MPC1: variants seen among roughly 807,000 people sequenced by gnomAD.
MPC1 encodes the protein HSPC040 protein.
A neutral mutation model predicts 13.9 loss-of-function variants in MPC1; 6 were observed. The ratio of observed to expected loss-of-function variants is 0.43; its 90% confidence interval spans 0.24 to 0.85. MPC1 has a LOEUF of 0.85. Ranked by LOEUF, MPC1 falls within the 40% of genes least tolerant of loss-of-function variation. The probability of loss-of-function intolerance (pLI) is 0.24; values close to 1 mark genes in which losing one functional copy is unlikely to be tolerated. For missense variants in MPC1, 115 were observed against 143.3 expected, an observed-to-expected ratio of 0.80 and a Z score of 1.01; for synonymous variants, 47 against 50.5, an observed-to-expected ratio of 0.93 and a Z score of 0.29.
intron 1 of MPC1, among the ~76,000 whole-genome samples, chr6:166,381,258 T>TTAA (rs1412086878): frequency 6.6e-6 from 1 of 152,260 alleles, no homozygotes; most frequent in Non-Finnish European, 1.5e-5. Context: ...AGTAGTTCTA[T>TTAA]TTAAGCATAG....
intron 1 of MPC1, among the ~76,000 whole-genome samples, chr6:166,379,991 T>A (rs569800974): frequency 1.3e-5 from 2 of 152,196 alleles, no homozygotes; most frequent in Admixed American, 1.3e-4. Context: ...TGGCCCTCAA[T>A]CACTGTTTGG....
At chr6:166,368,917 A>G in intron 2 of MPC1, 1 of 985,284 alleles carries the variant, frequency 1.0e-6, no homozygotes, top group Non-Finnish European at 1.2e-6. Context: ...TGTCTACTTT[A>G]TCATGCATGA....
At chr6:166,376,997 C>T (rs1779592347) in intron 1 of MPC1, among the ~76,000 whole-genome samples, 1 of 152,040 alleles carries the variant, frequency 6.6e-6, no homozygotes, top group Admixed American at 6.6e-5. Context: ...ATATTTGTTA[C>T]TGTTTTCTAT....
At chr6:166,366,168 C>A in intron 3 of MPC1, 62 bp from the exon 4 acceptor site, 1 of 1,566,868 alleles carries the variant, frequency 6.4e-7, no homozygotes, top group Non-Finnish European at 8.7e-7. Context: ...GTTGATAGGA[C>A]CACAGAGATG....
intron 1 of MPC1, among the ~76,000 whole-genome samples, chr6:166,381,972 C>T (rs987436062): frequency 2.2e-4 from 34 of 152,220 alleles, no homozygotes; most frequent in Admixed American, 2.0e-3. Context: ...AGCGCCGCGC[C>T]GCGCTCTCAG....
At chr6:166,369,896 C>T (rs1779310582) in intron 2 of MPC1, 2 of 462,438 alleles carry the variant, frequency 4.3e-6, no homozygotes. Context: ...AATCATCCCA[C>T]CCTTCTTTTC....
At chr6:166,371,671 A>C (rs1477001962) in intron 1 of MPC1, among the ~76,000 whole-genome samples, 1 of 152,192 alleles carries the variant, frequency 6.6e-6, no homozygotes, top group African/African-American at 2.4e-5. Flanking sequence ...CCTTATCCTC[A>C]GGGGATGCAT....
chr6:166,376,098 C>T (rs1779559273), intron 1 of MPC1, among the ~76,000 whole-genome samples: 1 of 152,062 alleles, frequency 6.6e-6, no homozygotes, highest in Non-Finnish European at 1.5e-5. Context: ...TGTATTAAGG[C>T]TCTCCAGAGA....
intron 1 of MPC1, among the ~76,000 whole-genome samples, chr6:166,377,830 C>G (rs560858498): frequency 6.6e-6 from 1 of 152,180 alleles, no homozygotes; most frequent in Admixed American, 6.5e-5. Context: ...GCCAGTCCTG[C>G]TTCAACATTT....
chr6:166,370,436 T>C (rs1438870367), intron 1 of MPC1: 1 of 526,000 alleles, frequency 1.9e-6, no homozygotes, highest in Non-Finnish European at 3.3e-6. Context: ...TTCATGAAAT[T>C]AGATCTTAGT....
chr6:166,375,442 CTAATT>C (rs1779533155), intron 1 of MPC1, among the ~76,000 whole-genome samples: 1 of 134,210 alleles, frequency 7.5e-6, no homozygotes, highest in African/African-American at 2.7e-5. Context: ...TATTTTCATT[CTAATT>C]TGCTTTTTTT....
In MPC1 at chr6:166,382,914, C is replaced by G. The variant is rs777823374; in HGVS notation, c.-38G>C. On this transcript the variant is annotated 5_prime_UTR_variant, in exon 1 of 5. Coordinates refer to ENST00000360961, the MANE Select transcript of MPC1 (RefSeq NM_016098.4). ...ACCAGACCCCGAGTGGTCCCTGCCTCTGCTGCCGCTTCCCAGAGCCAATGA... is the reference window on the plus strand; with the variant it reads ...ACCAGACCCCGAGTGGTCCCTGCCTGTGCTGCCGCTTCCCAGAGCCAATGA... 18 of 1,571,226 alleles carry G rather than the reference C, an allele frequency of 1.1e-5. No individual in the cohort carries two copies. Among genetic ancestry groups the G allele is most frequent in the Non-Finnish European group, 1.5e-5 (17 of 1,160,876 alleles).
At chr6:166,366,950 C>T (rs997753811) in intron 2 of MPC1, 59 bp from the exon 3 acceptor site, 1 of 1,611,146 alleles carries the variant, frequency 6.2e-7, no homozygotes, top group African/African-American at 1.3e-5. Flanking sequence ...GAACTATAAA[C>T]AGCTGAAATT....
intron 2 of MPC1, chr6:166,368,814 C>CT: frequency 9.1e-6 from 9 of 985,504 alleles, no homozygotes; most frequent in Non-Finnish European, 1.1e-5. Context: ...CCTTTTCCTC[C>CT]TTTTTTGACC....
intron 1 of MPC1, among the ~76,000 whole-genome samples, chr6:166,382,551 GGGCGCCCACTGTCACCCCCGCCCTGAAA>G (rs1284481426): frequency 4.9e-4 from 74 of 151,918 alleles, no homozygotes; most frequent in Non-Finnish European, 8.4e-4. Flanking sequence ...CCGCCCTGAG[GGGCGCCCACTGTCACCCCCGCCCTGAAA>G]GGCGCCCACT....
At chr6:166,368,070 ACT>A (rs1162028131) in intron 2 of MPC1, among the ~76,000 whole-genome samples, 1 of 152,150 alleles carries the variant, frequency 6.6e-6, no homozygotes, top group Non-Finnish European at 1.5e-5. Flanking sequence ...TGAGTTATAA[ACT>A]CTGTAAATTA....
chr6:166,381,563 CAT>C (rs1461474814), intron 1 of MPC1, among the ~76,000 whole-genome samples: 1 of 152,256 alleles, frequency 6.6e-6, no homozygotes, highest in East Asian at 1.9e-4. Context: ...GTTTTAAAAT[CAT>C]ACACTGAAAA....
Position 166,365,482 on chromosome 6 carries a change from TGA to T in MPC1, c.306-31_306-30del. On this transcript the variant is annotated intron_variant, in intron 4 of 4. Coordinates refer to ENST00000360961, the MANE Select transcript of MPC1 (RefSeq NM_016098.4). The surrounding 1 kb of genome is among the most constrained non-coding windows in gnomAD (Gnocchi z 4.2). ...GAAAGAAACAAAAAGAAAAATTCAATGAGAAACAAAATTTCAATGCCAATCGC... is the reference window on the plus strand; with the variant it reads ...GAAAGAAACAAAAAGAAAAATTCAATGAAACAAAATTTCAATGCCAATCGC... The T allele has an allele frequency of 6.4e-7, 1 of 1,559,512 alleles. No individual in the cohort carries two copies. Among genetic ancestry groups the T allele is most frequent in the Non-Finnish European group, 8.7e-7 (1 of 1,151,806 alleles).
In MPC1 at chr6:166,373,208, G is replaced by A. The variant is rs531042903; in HGVS notation, c.72-2987C>T. Among the ~76,000 whole-genome samples, 9 of 152,182 alleles carry A rather than the reference G, an allele frequency of 5.9e-5. No individual in the cohort carries two copies. In the South Asian group the frequency reaches 6.2e-4, roughly 11 times the overall value. On this transcript the variant is annotated intron_variant, in intron 1 of 4. Coordinates refer to ENST00000360961, the MANE Select transcript of MPC1 (RefSeq NM_016098.4). ...AGGTTCCCTGTTAGTGCTGTACATC[G>A]TGTGGGTTTAGATGAACATACGATG... is the stretch of plus-strand genomic sequence containing the variant.
Sources: gnomAD v4.1 joint callset for allele counts (sites outside exome capture counted in the v4.1 genomes callset) on GRCh38, gnomAD v4.1.1 for gene constraint, Gnocchi (gnomAD v3.1) non-coding constraint, MANE v1.5 for transcripts, NCBI Gene and HGNC (gene_info 2026-07-23, HGNC 2026-07-21) for gene names.